Variants in DALRD3 observed in about 807,000 individuals in gnomAD.
The protein encoded by DALRD3 is DALR anticodon binding domain containing 3, also known as DALR anticodon-binding domain-containing protein 3.
In DALRD3, 47 loss-of-function variants were observed where a neutral mutation model predicts 56.7. That is an observed-to-expected ratio of 0.83 (90% CI 0.66 to 1.06). DALRD3 has a LOEUF of 1.06. Ranked by LOEUF, DALRD3 falls within the 50% of genes least tolerant of loss-of-function variation. The pLI is 0.00. For missense variants in DALRD3, 787 were observed against 724.0 expected (o/e 1.09, Z -1.00); for synonymous variants, 347 against 308.5 (o/e 1.12, Z -1.31).
At position 49,017,743 on chromosome 3, in the gene DALRD3, A is replaced by C. The variant is rs762578499; in HGVS notation, c.588T>G (p.Leu196=). The C allele has an allele frequency of 3.1e-6, 5 of 1,613,920 alleles. No individual in the cohort carries two copies. In the African/African-American group the frequency reaches 6.7e-5, roughly 22 times the overall value. Residue 196 remains leucine (L), a synonymous_variant, in exon 3 of 12, where the codon CTT becomes CTG. Coordinates refer to ENST00000341949, the MANE Select transcript of DALRD3 (RefSeq NM_001009996.3). ...ASSHTLRSHA[L]EELTSANDGR... ...CGTCATTAGCAGAGGTAAGTTCTTC[A>C]AGGGCGTGGCTCCTCAGGGTGTGGG...
In DALRD3 at chr3:49,015,995, T is replaced by C. The variant is rs772604029; in HGVS notation, c.1421A>G (p.His474Arg). The C allele has an allele frequency of 6.2e-7, 1 of 1,612,442 alleles. No homozygotes were observed. The highest frequency in any genetic ancestry group is 2.2e-5 in the East Asian group (1 of 44,850). Residue 474 changes from histidine to arginine, a missense_variant, in exon 10 of 12, where the codon CAC becomes CGC. Coordinates refer to ENST00000341949, the MANE Select transcript of DALRD3 (RefSeq NM_001009996.3). ...AVLDCTAPGL[H>R]IAVRTEMICK... The stretch of plus-strand genomic sequence containing the variant: ...CACCATCTCTGTGCGTACAGCAATG[T>C]GGAGCCCCGGGGCTGTGCAGTCCAG...
At chr3:49,020,365 A>G (rs1406353029), upstream of DALRD3, 1 of 432,068 alleles carries the variant, frequency 2.3e-6, no homozygotes, top group Non-Finnish European at 4.9e-6. Flanking sequence ...TAAGAGGGCT[A>G]TCTTTAGCGA....
intron 5 of DALRD3, 28 bp from the exon 6 acceptor site, chr3:49,016,875 C>T (rs764163112): frequency 9.9e-6 from 16 of 1,613,594 alleles, no homozygotes; most frequent in Admixed American, 6.7e-5. Flanking sequence ...GGGGCTCAGC[C>T]TAGTTGGCGC....
rs1238628733 is a variant in DALRD3, at chr3:49,016,214, G to A, written c.1273C>T (p.Leu425=). ...ESYKCSMEQG[L]YPTFPPVSSL... is the part of the protein sequence containing the mutation. ...CTCACAGGAGGAAAAGTGGGGTACAGACCTTGTTCCATACTACACTTGTAA... is the reference window on the plus strand; with the variant it reads ...CTCACAGGAGGAAAAGTGGGGTACAAACCTTGTTCCATACTACACTTGTAA... The change falls in exon 9 of 12, where the codon CTG becomes TTG. Residue 425 remains leucine, a synonymous_variant. Coordinates refer to ENST00000341949, the MANE Select transcript of DALRD3 (RefSeq NM_001009996.3). The A allele has an allele frequency of 6.2e-7, 1 of 1,614,182 alleles. No individual in the cohort carries two copies. The highest frequency in any genetic ancestry group is 2.2e-5 in the East Asian group (1 of 44,880).
upstream of DALRD3, chr3:49,020,918 T>TG (rs1463265188): frequency 1.6e-5 from 4 of 253,108 alleles, no homozygotes; most frequent in Non-Finnish European, 2.5e-5. Flanking sequence ...ATTAGATCCG[T>TG]GGGGCAGGAT....
rs1235891497 is a variant in DALRD3, at chr3:49,018,273, C to G, written c.211G>C (p.Gly71Arg). The change falls in exon 2 of 12, where the codon GGT becomes CGT. Residue 71 changes from glycine to arginine, a missense_variant. Coordinates refer to ENST00000341949, the MANE Select transcript of DALRD3 (RefSeq NM_001009996.3). Reference protein sequence around the residue: ...LHALACLQGPGVAPVLRCAPT... With the variant: ...LHALACLQGPRVAPVLRCAPT... ...GCGCAGCGCAGCACCGGGGCCACAC[C>G]GGGGCCCTGCAGGCAGGCGAGGGCA... 2 of 1,445,262 alleles carry G rather than the reference C, an allele frequency of 1.4e-6. No individual in the cohort carries two copies. Among genetic ancestry groups the G allele is most frequent in the Non-Finnish European group, 1.8e-6 (2 of 1,107,388 alleles). The allele number at this position is 1,445,262 out of a possible 1,614,324, so 89.5% of individuals were successfully genotyped here.
At chr3:49,020,580 G>C (rs1390100517), upstream of DALRD3, 1 of 472,624 alleles carries the variant, frequency 2.1e-6, no homozygotes, top group South Asian at 1.6e-5. Context: ...AGTATGTCTG[G>C]GGGTCAGGGG....
At chr3:49,020,632 G>T, upstream of DALRD3, 1 of 487,154 alleles carries the variant, frequency 2.1e-6, no homozygotes, top group Non-Finnish European at 4.3e-6. Context: ...AGGAGAGCAG[G>T]GGACGAAATC....
Position 49,016,455 on chromosome 3 carries a change from T to G in DALRD3, c.1120A>C (p.Met374Leu). 6.2e-7 allele frequency: 1 copy of G among 1,613,970 alleles called. No homozygotes were observed. The highest frequency in any genetic ancestry group is 2.2e-5 in the East Asian group (1 of 44,874). Residue 374 changes from methionine (M) to leucine (L), a missense_variant, in exon 8 of 12, where the codon ATG becomes CTG. By Grantham distance (15) the Met-to-Leu change is conservative (BLOSUM62 2). Transcript: ENST00000341949. ...TGACTCTGTGGGGCTGTGCTCAGCA[T>G]CTCAAACTTGATGGTGGCCACAGAG... is the stretch of plus-strand genomic sequence containing the variant. ...VLSVATIKFE[M>L]LSTAPQSQLF...
At position 49,016,842 on chromosome 3, in the gene DALRD3, G is replaced by A. The variant is rs749624707; in HGVS notation, c.933C>T (p.His311=). The change falls in exon 6 of 12, where the codon CAC becomes CAT. Residue 311 remains histidine, a synonymous_variant. Transcript: ENST00000341949. ...CTACTTTCACAGGGCCACAGATGAG[G>A]TGCTTCTGTCAGAAAGATGTCAGGG... is the stretch of plus-strand genomic sequence containing the variant. ...LVDKAPLRQK[H]LICGPVKVAG... is the part of the protein sequence containing the mutation. 3 of 1,614,200 alleles carry A rather than the reference G, an allele frequency of 1.9e-6. No individual in the cohort carries two copies. Among genetic ancestry groups the A allele is most frequent in the Non-Finnish European group, 2.5e-6 (3 of 1,180,030 alleles).
rs777514739 is a variant in DALRD3 at position 49,015,993 on chromosome 3, T to C, written c.1423A>G (p.Ile475Val). 80 of 1,612,438 alleles carry C rather than the reference T, an allele frequency of 5.0e-5. No individual in the cohort carries two copies. The highest frequency in any genetic ancestry group is 6.4e-5 in the Non-Finnish European group (76 of 1,178,930). The change falls in exon 10 of 12, where the codon ATT becomes GTT. Residue 475 changes from isoleucine to valine, a missense_variant. Ile to Val is a conservative substitution (Grantham distance 29, BLOSUM62 3). Coordinates refer to ENST00000341949, the MANE Select transcript of DALRD3 (RefSeq NM_001009996.3). ...CTCACCATCTCTGTGCGTACAGCAA[T>C]GTGGAGCCCCGGGGCTGTGCAGTCC... ...VLDCTAPGLH[I>V]AVRTEMICKF...
At chr3:49,016,108 G>A (rs1297709847) in intron 9 of DALRD3, 22 bp from the exon 10 acceptor site, 1 of 1,608,314 alleles carries the variant, frequency 6.2e-7, no homozygotes, top group South Asian at 1.1e-5. Context: ...AAAGGTGCTG[G>A]GAGGGGAAGT....
chr3:49,017,711 GTCCTC>G lies in DALRD3; in HGVS notation c.615_619del (p.Arg206ThrfsTer25). The G allele has an allele frequency of 6.2e-7, 1 of 1,614,152 alleles. No homozygotes were observed. Among genetic ancestry groups the G allele is most frequent in the Non-Finnish European group, 8.5e-7 (1 of 1,180,040 alleles). On this transcript the variant is annotated frameshift_variant, in exon 3 of 12. Transcript: ENST00000341949. LOFTEE classifies it high-confidence loss of function. ...TCTGCCTAGGATGCCAGGGGACAGT[GTCCTC>G]CCGTCATTAGCAGAGGTAAGTTCTT...
upstream of DALRD3, chr3:49,020,601 G>A: frequency 2.1e-6 from 1 of 480,634 alleles, no homozygotes; most frequent in East Asian, 6.5e-5. Context: ...CACCCCATCT[G>A]GGCCAGGGCG....
In DALRD3 at chr3:49,018,539, C is replaced by G; in HGVS notation, c.26G>C (p.Gly9Ala). The change falls in exon 1 of 12, where the codon GGG (glycine) becomes GCG (alanine). Residue 9 changes from glycine (G) to alanine (A), a missense_variant. By Grantham distance (60) the Gly-to-Ala change is moderately conservative (BLOSUM62 0). Transcript: ENST00000341949. MATRRLGVGETLGALNAAL... is the reference protein window; with the variant it reads MATRRLGVAETLGALNAAL... The stretch of plus-strand genomic sequence containing the variant: ...CGCGTTGAGGGCCCCCAGCGTCTCC[C>G]CGACCCCAAGGCGCCTGGTCGCCAT... 1 of 1,581,310 alleles carries G rather than the reference C, an allele frequency of 6.3e-7. No homozygotes were observed. The highest frequency in any genetic ancestry group is 8.6e-7 in the Non-Finnish European group (1 of 1,164,244).
rs766169427 is a variant in DALRD3 at position 49,017,363 on chromosome 3, G to A, written c.799-7C>T. On this transcript the variant is annotated splice_polypyrimidine_tract_variant and splice_region_variant and intron_variant, in intron 4 of 11. Transcript: ENST00000341949. ...CAGTATCTGAGGCCCCAGCCTAAGG[G>A]AGGACAATCATAACTGTGGAAGTAC... The A allele has an allele frequency of 1.2e-6, 2 of 1,614,238 alleles. No homozygotes were observed. Among genetic ancestry groups the A allele is most frequent in the Non-Finnish European group, 1.7e-6 (2 of 1,180,056 alleles).
Position 49,018,475 on chromosome 3 carries a change from C to T in DALRD3, c.90G>A (p.Thr30=), listed in dbSNP as rs1276782479. The change falls in exon 1 of 12, where the codon ACG becomes ACA. Residue 30 remains threonine (T), a synonymous_variant. Transcript: ENST00000341949. ...GPGGPVWIKE[T]RTRHLRSRDF... ...CTCGGGAACGCAGGTGGCGGGTGCG[C>T]GTCTCCTTGATCCACACCGGACCGC... 2 of 1,587,824 alleles carry T rather than the reference C, an allele frequency of 1.3e-6. No individual in the cohort carries two copies. Among genetic ancestry groups the T allele is most frequent in the Non-Finnish European group, 8.6e-7 (1 of 1,167,354 alleles).
chr3:49,018,515 G>A lies in DALRD3; in HGVS notation c.50C>T (p.Ala17Val). ...CACCGGACCGCCTGGCCCCAGGGCC[G>A]CGTTGAGGGCCCCCAGCGTCTCCCC... Reference protein sequence around the residue: ...GVGETLGALNAALGPGGPVWI... With the variant: ...GVGETLGALNVALGPGGPVWI... Residue 17 changes from alanine (A) to valine (V), a missense_variant, in exon 1 of 12, where the codon GCG (alanine) becomes GTG (valine). Ala to Val is a moderately conservative substitution (Grantham distance 64). Coordinates refer to ENST00000341949, the MANE Select transcript of DALRD3 (RefSeq NM_001009996.3). The A allele has an allele frequency of 1.3e-6, 2 of 1,584,788 alleles. No homozygotes were observed. Among genetic ancestry groups the A allele is most frequent in the African/African-American group, 1.3e-5 (1 of 74,236 alleles).
rs747537192 is a variant in DALRD3, at chr3:49,017,416, G to C, written c.798+18C>G. On this transcript the variant is annotated intron_variant, in intron 4 of 11. Transcript: ENST00000341949. Reference sequence around the variant, plus strand: ...TATACTTGGTTTGGGAGAACCTACAGGGCTGGGAGTCACTAACCAGGCCTG... The same window carrying C: ...TATACTTGGTTTGGGAGAACCTACACGGCTGGGAGTCACTAACCAGGCCTG... The C allele has an allele frequency of 2.5e-6, 4 of 1,614,188 alleles. No individual in the cohort carries two copies.
Sources: allele counts gnomAD v4.1 joint callset, GRCh38; gene constraint gnomAD v4.1.1; transcripts MANE v1.5; gene names NCBI Gene and HGNC (gene_info 2026-07-23, HGNC 2026-07-21).